SETD5: variants seen among roughly 807,000 people sequenced by gnomAD.
The protein encoded by SETD5 is histone-lysine N-methyltransferase SETD5.
In SETD5, 44 loss-of-function variants were observed where a neutral mutation model predicts 153.3. That is an observed-to-expected ratio of 0.29 (90% CI 0.23 to 0.37). The LOEUF (loss-of-function observed/expected upper bound fraction) is 0.37, where lower values mean the gene tolerates loss of function less well. SETD5 is among the 10% of genes least tolerant of loss of function. The pLI, the probability that SETD5 is intolerant of heterozygous loss-of-function variation, is 1.00. For synonymous variants in SETD5, 716 were observed against 645.2 expected (o/e 1.11, Z -1.66); for missense variants, 1,544 against 1,768.0 (o/e 0.87, Z 2.27).
intron 3 of SETD5, chr3:9,431,342 C>T: frequency 1.0e-6 from 1 of 985,344 alleles, no homozygotes; most frequent in Non-Finnish European, 1.2e-6. Context: ...AGCCTGGTTT[C>T]TGTGTATGTG....
chr3:9,455,703 G>A (rs1310816150), intron 17 of SETD5, among the ~76,000 whole-genome samples: 1 of 152,132 alleles, frequency 6.6e-6, no homozygotes, highest in African/African-American at 2.4e-5. Context: ...AGACTATCAT[G>A]TTTGTGTATC....
At position 9,417,942 on chromosome 3, in the gene SETD5, GT is replaced by G. The variant is rs777339095; in HGVS notation, c.-176-6509del. 7.3e-4 allele frequency among the ~76,000 whole-genome samples: 94 copies of G among 128,782 alleles called. 1 individual carries two copies. Among genetic ancestry groups the G allele is most frequent in the East Asian group, 3.9e-3 (17 of 4,412 alleles). 84.5% of individuals were successfully genotyped at this position (128,782 alleles called of 152,430 possible). ...GCAGAACTGCTAGAACAAGAGTTTT[GT>G]TTTTTTTTTTTTTTTGAGACGGAGT... On this transcript the variant is annotated intron_variant, in intron 1 of 22. Transcript: ENST00000402198.
At chr3:9,418,880 G>A (rs1014999371) in intron 1 of SETD5, among the ~76,000 whole-genome samples, 17 of 151,808 alleles carry the variant, frequency 1.1e-4, no homozygotes, top group Admixed American at 1.3e-4. Context: ...TTTCTAGAGC[G>A]CAGTGGTGTA....
chr3:9,453,903 A>G (rs769677858), intron 17 of SETD5, 35 bp downstream of exon 17: 23 of 1,484,084 alleles, frequency 1.5e-5, no homozygotes, highest in Non-Finnish European at 1.7e-5. Context: ...TATATGACCA[A>G]TGATTGTTTC....
chr3:9,401,997 G>A (rs1185501863), intron 1 of SETD5, among the ~76,000 whole-genome samples: 2 of 152,198 alleles, frequency 1.3e-5, no homozygotes, highest in African/African-American at 2.4e-5. Context: ...GATGGGCAGG[G>A]ATTGGTACCA....
At chr3:9,427,161 C>T (rs560317556) in intron 2 of SETD5, among the ~76,000 whole-genome samples, 1 of 152,210 alleles carries the variant, frequency 6.6e-6, no homozygotes. Context: ...GTTGGTATTA[C>T]AGTTGTGAAC....
chr3:9,459,133 C>T (rs751113221), intron 17 of SETD5, among the ~76,000 whole-genome samples: 2 of 152,020 alleles, frequency 1.3e-5, no homozygotes, highest in Non-Finnish European at 2.9e-5. Flanking sequence ...ACCTGGTTGG[C>T]GAGAGGTCAG....
In SETD5 at chr3:9,445,713, C is replaced by G; in HGVS notation, c.1497C>G (p.Asp499Glu). Residue 499 changes from aspartate (D) to glutamate (E), a missense_variant, in exon 13 of 23, where the codon GAC becomes GAG. Around this residue, in one of 9 missense-constraint regions of SETD5, gnomAD observed 782 missense variants for 787.2 expected, o/e 0.99. Coordinates refer to ENST00000402198, the MANE Select transcript of SETD5 (RefSeq NM_001080517.3). ...AAGAGAAAGAAGAGGTTATAGATGA[C>G]CAGGAGAACCTAGCTCATAGCAGGA... ...PEEEKEEVID[D>E]QENLAHSRRT... is the part of the protein sequence containing the mutation. The G allele has an allele frequency of 6.2e-7, 1 of 1,613,170 alleles. No individual in the cohort carries two copies. The highest frequency in any genetic ancestry group is 1.7e-4 in the Middle Eastern group (1 of 6,058).
At chr3:9,439,321 C>A (rs2040988269) in intron 7 of SETD5, among the ~76,000 whole-genome samples, 2 of 152,086 alleles carry the variant, frequency 1.3e-5, no homozygotes, top group African/African-American at 2.4e-5. Flanking sequence ...TTCTATACTC[C>A]TGTTCCTTGC....
chr3:9,435,545 T>C lies in SETD5; in HGVS notation c.389-183T>C, dbSNP rs576263104. Among the ~76,000 whole-genome samples the C allele has an allele frequency of 2.6e-5, 4 of 152,380 alleles. 1 individual carries two copies. The South Asian group carries it at 8.3e-4, about 32-fold the overall frequency. On this transcript the variant is annotated intron_variant, in intron 6 of 22. Transcript: ENST00000402198. ...TGAGGAACAGGGTTTATATGCTTAA[T>C]GCCAATGACATAGAATCTTGTTTTC...
At chr3:9,433,116 G>A (rs1222818852) in intron 3 of SETD5, among the ~76,000 whole-genome samples, 2 of 152,182 alleles carry the variant, frequency 1.3e-5, no homozygotes, top group African/African-American at 4.8e-5. Flanking sequence ...AACAAATATT[G>A]GGCAGTTCAC....
chr3:9,427,519 C>G lies in SETD5; in HGVS notation c.-116-1304C>G, dbSNP rs114018559. On this transcript the variant is annotated intron_variant, in intron 2 of 22. Transcript: ENST00000402198. The stretch of plus-strand genomic sequence containing the variant: ...GAGCCAAGATTGCGCCATTACACTT[C>G]AGTCTGGGCAACAAAAGTGAAACTG... Among the ~76,000 whole-genome samples, 283 of 152,294 alleles carry G rather than the reference C, an allele frequency of 1.9e-3. 5 individuals carry two copies. Among genetic ancestry groups the G allele is most frequent in the African/African-American group, 6.2e-3 (258 of 41,556 alleles).
intron 1 of SETD5, among the ~76,000 whole-genome samples, chr3:9,411,155 C>T (rs973998194): frequency 6.6e-6 from 1 of 152,126 alleles, no homozygotes; most frequent in Non-Finnish European, 1.5e-5. Context: ...AAAATTCTCT[C>T]TCTTGAAATG....
At chr3:9,416,199 C>CT (rs60990808) in intron 1 of SETD5, among the ~76,000 whole-genome samples, 1,949 of 152,182 alleles carry the variant, frequency 0.013, 52 homozygotes, top group African/African-American at 0.043. Flanking sequence ...TGTCAGCACT[C>CT]TAAGACTCCA....
intron 1 of SETD5, among the ~76,000 whole-genome samples, chr3:9,409,554 T>C (rs543183836): frequency 1.3e-5 from 2 of 152,320 alleles, no homozygotes; most frequent in African/African-American, 4.8e-5. Context: ...CCTTGCTTCC[T>C]ACTATTACTA....
chr3:9,397,704 C>T lies in SETD5; in HGVS notation c.-450C>T. ...GCCGCCGCTGCCGGGGGAGGGGCGG[C>T]CGCCGCCCGCCTGCGCTCAGAGACT... is the stretch of plus-strand genomic sequence containing the variant. On this transcript the variant is annotated 5_prime_UTR_variant, in exon 1 of 23. Coordinates refer to ENST00000402198, the MANE Select transcript of SETD5 (RefSeq NM_001080517.3). 2 of 177,792 alleles carry T rather than the reference C, an allele frequency of 1.1e-5. 1 individual carries two copies. The allele number at this position is 177,792 out of a possible 1,614,324, so 11.0% of individuals were successfully genotyped here.
intron 1 of SETD5, among the ~76,000 whole-genome samples, chr3:9,400,361 T>C (rs2034557059): frequency 6.6e-6 from 1 of 152,240 alleles, no homozygotes; most frequent in African/African-American, 2.4e-5. Context: ...TTTAAGAATC[T>C]TTCTGATAAC....
intron 17 of SETD5, among the ~76,000 whole-genome samples, chr3:9,461,252 A>G (rs1184985737): frequency 1.3e-5 from 2 of 152,028 alleles, no homozygotes; most frequent in Non-Finnish European, 2.9e-5. Context: ...GCAAAAAATG[A>G]AAAAAAAGTT....
At chr3:9,422,258 GGTT>G (rs1391694638) in intron 1 of SETD5, among the ~76,000 whole-genome samples, 6 of 152,140 alleles carry the variant, frequency 3.9e-5, no homozygotes, top group Non-Finnish European at 8.8e-5. Context: ...GCAAAAAAGT[GGTT>G]GTTATCAGCA....
Sources: allele counts gnomAD v4.1 joint callset (sites outside exome capture counted in the v4.1 genomes callset), GRCh38; gene constraint gnomAD v4.1.1; regional missense constraint gnomAD v4.1.1; transcripts MANE v1.5; gene names NCBI Gene and HGNC (gene_info 2026-07-23, HGNC 2026-07-21).